The following CELSR1 variants were observed in gnomAD, a reference collection of about 807,000 sequenced individuals.
CELSR1 encodes the protein cadherin EGF LAG seven-pass G-type receptor 1.
In CELSR1, 110 loss-of-function variants were observed where a neutral mutation model predicts 249.1. The observed-to-expected ratio is 0.44, with a 90% CI of 0.38 to 0.52. The LOEUF is 0.52. Ranked by LOEUF, CELSR1 falls within the 20% of genes least tolerant of loss-of-function variation. The probability of loss-of-function intolerance (pLI) is 0.00; values close to 1 mark genes in which losing one functional copy is unlikely to be tolerated. For synonymous variants in CELSR1, 2,113 were observed against 1,900.0 expected, an observed-to-expected ratio of 1.11 and a Z score of -2.92; for missense variants, 4,109 against 4,296.4, an observed-to-expected ratio of 0.96 and a Z score of 1.22.
At position 46,391,460 on chromosome 22, in the gene CELSR1, C is replaced by T. The variant is rs1394511346; in HGVS notation, c.6148+173G>A. On this transcript the variant is annotated intron_variant, in intron 15 of 34. Transcript: ENST00000674500. The surrounding 1 kb of genome is among the most constrained non-coding windows in gnomAD (Gnocchi z 4.3). ...TCAGAGCTGGAGAGGGGTGACCAGG[C>T]TCTGACCCACACCCCCTCACGCAGA... 2.0e-5 allele frequency among the ~76,000 whole-genome samples: 3 copies of T among 152,048 alleles called. No homozygotes were observed. Among genetic ancestry groups the T allele is most frequent in the Non-Finnish European group, 4.4e-5 (3 of 67,992 alleles).
rs754567252 is a variant in CELSR1, at chr22:46,369,276, C to T, written c.7873-18G>A. On this transcript the variant is annotated intron_variant, in intron 26 of 34. Transcript: ENST00000674500. ...GTGTTGATCTGAAAACAAAACAAGC[C>T]GATCAATGTCTTCTCTCTCGTCACT... 8 of 643,586 alleles carry T rather than the reference C, an allele frequency of 1.2e-5. No homozygotes were observed. Among genetic ancestry groups the T allele is most frequent in the African/African-American group, 5.2e-5 (1 of 19,396 alleles). 39.9% of individuals were successfully genotyped at this position (643,586 alleles called of 1,614,324 possible). A position where few individuals can be genotyped will look rare whatever the true frequency, so the allele number is the denominator to read the frequency against.
rs113722201 is a variant in CELSR1 at position 46,361,388 on chromosome 22, C to T, written c.*1835G>A. ...TCTGATCAAATTAAAAATTACACCT[C>T]GTGATGTTGGCTGTGGAGTACGTGG... On this transcript the variant is annotated 3_prime_UTR_variant, in exon 35 of 35. Transcript: ENST00000674500. The T allele has an allele frequency of 3.9e-5, 6 of 152,354 alleles. No homozygotes were observed. Among genetic ancestry groups the T allele is most frequent in the South Asian group, 4.1e-4 (2 of 4,826 alleles). The allele number at this position is 152,354 out of a possible 1,614,324, so 9.4% of individuals were successfully genotyped here.
chr22:46,436,432 A>G lies in CELSR1; in HGVS notation c.4407-143T>C. The G allele has an allele frequency of 1.6e-6, 1 of 613,912 alleles. No homozygotes were observed. Among genetic ancestry groups the G allele is most frequent in the Admixed American group, 2.8e-5 (1 of 35,472 alleles). The allele number at this position is 613,912 out of a possible 1,614,324, so 38.0% of individuals were successfully genotyped here. On this transcript the variant is annotated intron_variant, in intron 3 of 34. Coordinates refer to ENST00000674500, the MANE Select transcript of CELSR1 (RefSeq NM_001378328.1). This position sits in a 1 kb window ranked among gnomAD's most constrained non-coding sequence, Gnocchi z 5.9. ...ATGGTGTCAGGCATGCGTCCTTCTC[A>G]TAGGAGCAGACAGCCCATCAAGCTT... is the stretch of plus-strand genomic sequence containing the variant.
In CELSR1 at chr22:46,504,990, C is replaced by T. The variant is rs578168470; in HGVS notation, c.3544+28637G>A. On this transcript the variant is annotated intron_variant, in intron 1 of 34. Coordinates refer to ENST00000674500, the MANE Select transcript of CELSR1 (RefSeq NM_001378328.1). ...CAAAAGAGCAAGGAAAGGCCGGGTG[C>T]GGCGGCTCACGCCTGTAATCCCAGC... Among the ~76,000 whole-genome samples the T allele has an allele frequency of 6.6e-5, 10 of 152,304 alleles. No individual in the cohort carries two copies. The East Asian group carries it at 7.7e-4, about 12-fold the overall frequency.
rs2080858531 is a variant in CELSR1, at chr22:46,536,535, T to C, written c.636A>G (p.Pro212=). The part of the protein sequence containing the change: ...AATAGTPSAS[P]SPSPPLPPNL... The stretch of plus-strand genomic sequence containing the variant: ...TCGGCGGCAGGGGCGGCGATGGGGA[T>C]GGCGACGCGGAGGGCGTCCCCGCGG... Residue 212 remains proline, a synonymous_variant, in exon 1 of 35, where the codon CCA becomes CCG. Coordinates refer to ENST00000674500, the MANE Select transcript of CELSR1 (RefSeq NM_001378328.1). 1.4e-6 allele frequency: 2 copies of C among 1,410,556 alleles called. No homozygotes were observed. 87.4% of individuals were successfully genotyped at this position (1,410,556 alleles called of 1,614,324 possible). A position where few individuals can be genotyped will look rare whatever the true frequency, so the allele number is the denominator to read the frequency against.
Position 46,391,616 on chromosome 22 carries a change from C to G in CELSR1, c.6148+17G>C. On this transcript the variant is annotated intron_variant, in intron 15 of 34. Transcript: ENST00000674500. The surrounding 1 kb of genome is among the most constrained non-coding windows in gnomAD (Gnocchi z 4.3). ...CCCCGCGCTGTAACCTGCAGGGTGT[C>G]GAGGGGCAACGCGGACCTTCACAGC... 1.3e-6 allele frequency: 2 copies of G among 1,575,790 alleles called. No homozygotes were observed. The highest frequency in any genetic ancestry group is 8.6e-7 in the Non-Finnish European group (1 of 1,166,542).
At position 46,451,675 on chromosome 22, in the gene CELSR1, C is replaced by G. The variant is rs560012432; in HGVS notation, c.4183+12032G>C. On this transcript the variant is annotated intron_variant, in intron 2 of 34. Coordinates refer to ENST00000674500, the MANE Select transcript of CELSR1 (RefSeq NM_001378328.1). The stretch of plus-strand genomic sequence containing the variant: ...CCCTACAACCTCCTTCTCCACAACA[C>G]CGACGATGGAGGAGAGACTAGGAAA... Among the ~76,000 whole-genome samples, 5 of 152,296 alleles carry G rather than the reference C, an allele frequency of 3.3e-5. No homozygotes were observed. In the South Asian group the frequency reaches 6.2e-4, roughly 19 times the overall value.
chr22:46,364,708 G>A lies in CELSR1; in HGVS notation c.8583C>T (p.Ala2861=), dbSNP rs139675248. ...CAGCCAGGCTCTGGTCGGGCCAGCC[G>A]GCCGGAACGTGGTTGGCCACAGCGT... ...KGDAVANHVP[A]GWPDQSLAES... Residue 2861 remains alanine, a synonymous_variant, in exon 33 of 35, where the codon GCC becomes GCT. Coordinates refer to ENST00000674500, the MANE Select transcript of CELSR1 (RefSeq NM_001378328.1). 29 of 1,612,368 alleles carry A rather than the reference G, an allele frequency of 1.8e-5. No individual in the cohort carries two copies. The highest frequency in any genetic ancestry group is 2.2e-5 in the East Asian group (1 of 44,864).
In CELSR1 at chr22:46,398,519, C is replaced by T. The variant is rs374501629; in HGVS notation, c.5526+5G>A. ...CTCCCCCCGCCCCCCACAACCCCCA[C>T]GCACCTGCATGCAGCCTCGGAATCC... On this transcript the variant is annotated splice_donor_5th_base_variant and intron_variant, in intron 11 of 34. Coordinates refer to ENST00000674500, the MANE Select transcript of CELSR1 (RefSeq NM_001378328.1). This position sits in a 1 kb window ranked among gnomAD's most constrained non-coding sequence, Gnocchi z 7.2. 7.5e-6 allele frequency: 12 copies of T among 1,599,322 alleles called. No individual in the cohort carries two copies. Among genetic ancestry groups the T allele is most frequent in the Admixed American group, 5.1e-5 (3 of 58,268 alleles).
intron 18 of CELSR1, among the ~76,000 whole-genome samples, chr22:46,387,959 C>T (rs975460474): frequency 2.0e-5 from 3 of 152,144 alleles, no homozygotes; most frequent in East Asian, 1.9e-4. Context: ...ACAGCTCCTC[C>T]GAGGGTGACC....
intron 1 of CELSR1, among the ~76,000 whole-genome samples, chr22:46,513,895 C>A (rs1186107051): frequency 1.3e-5 from 2 of 150,960 alleles, no homozygotes; most frequent in Non-Finnish European, 3.0e-5. Context: ...GGGGTTCACG[C>A]CATTCTCCTG....
In CELSR1 at chr22:46,454,487, C is replaced by T. The variant is rs1423520983; in HGVS notation, c.4183+9220G>A. Reference sequence around the variant, plus strand: ...GCCAGGCAGCCTTGTCTCCCCTCAACAGCACAGACTTCGAAGTCACGGGGA... The same window carrying T: ...GCCAGGCAGCCTTGTCTCCCCTCAATAGCACAGACTTCGAAGTCACGGGGA... On this transcript the variant is annotated intron_variant, in intron 2 of 34. Transcript: ENST00000674500. The surrounding 1 kb of genome is among the most constrained non-coding windows in gnomAD (Gnocchi z 5.1). 1.3e-5 allele frequency among the ~76,000 whole-genome samples: 2 copies of T among 152,362 alleles called. No homozygotes were observed. The highest frequency in any genetic ancestry group is 3.9e-4 in the East Asian group (2 of 5,186).
Position 46,378,666 on chromosome 22 carries a change from C to A in CELSR1, c.7308G>T (p.Arg2436Ser). 2 of 1,611,134 alleles carry A rather than the reference C, an allele frequency of 1.2e-6. No individual in the cohort carries two copies. Among genetic ancestry groups the A allele is most frequent in the Non-Finnish European group, 8.5e-7 (1 of 1,179,444 alleles). ...ACTGGCAGGCGACATGTGTCCGGTT[C>A]CTGGACAGGAGCTCGCAGCCCCGGG... ...WSARGCELLSRNRTHVACQCS... is the reference protein window; with the variant it reads ...WSARGCELLSSNRTHVACQCS... The change falls in exon 23 of 35, where the codon AGG (arginine) becomes AGT (serine). Residue 2436 changes from arginine to serine, a missense_variant. Coordinates refer to ENST00000674500, the MANE Select transcript of CELSR1 (RefSeq NM_001378328.1).
At chr22:46,513,740 T>A (rs954415988) in intron 1 of CELSR1, among the ~76,000 whole-genome samples, 5 of 152,100 alleles carry the variant, frequency 3.3e-5, no homozygotes, top group African/African-American at 1.2e-4. Context: ...TAAATACTGG[T>A]TGGAATATGG....
chr22:46,422,344 G>A (rs2079484028), intron 5 of CELSR1, among the ~76,000 whole-genome samples: 1 of 152,040 alleles, frequency 6.6e-6, no homozygotes, highest in Non-Finnish European at 1.5e-5. Flanking sequence ...CTGACTTCAA[G>A]TGATCTGCCT....
intron 2 of CELSR1, among the ~76,000 whole-genome samples, chr22:46,456,683 A>C (rs1289292670): frequency 1.3e-5 from 2 of 150,218 alleles, no homozygotes; most frequent in East Asian, 3.9e-4. Context: ...AAAAAAAAAA[A>C]AAAAGAGAAC....
Position 46,517,331 on chromosome 22 carries a change from G to C in CELSR1, c.3544+16296C>G, listed in dbSNP as rs539875121. On this transcript the variant is annotated intron_variant, in intron 1 of 34. Transcript: ENST00000674500. This position sits in a 1 kb window ranked among gnomAD's most constrained non-coding sequence, Gnocchi z 5.4. ...CTGCCACAAATGCAATGGGTTTCCC[G>C]GGCCAAACCGGAGACTTGGACGGCC... Among the ~76,000 whole-genome samples the C allele has an allele frequency of 8.8e-4, 134 of 152,358 alleles. No individual in the cohort carries two copies. Among genetic ancestry groups the C allele is most frequent in the African/African-American group, 3.2e-3 (133 of 41,576 alleles).
At chr22:46,504,446 G>A (rs945346928) in intron 1 of CELSR1, among the ~76,000 whole-genome samples, 5 of 150,138 alleles carry the variant, frequency 3.3e-5, no homozygotes, top group Non-Finnish European at 7.4e-5. Flanking sequence ...CCCAGGAGGC[G>A]GAGGCAGCAG....
chr22:46,452,036 C>A (rs1324827077), intron 2 of CELSR1, among the ~76,000 whole-genome samples: 1 of 152,188 alleles, frequency 6.6e-6, no homozygotes, highest in African/African-American at 2.4e-5. Context: ...CCTCCTAGAG[C>A]CTCCAGGAAG....
Sources: gnomAD v4.1 joint callset for allele counts (sites outside exome capture counted in the v4.1 genomes callset) on GRCh38, gnomAD v4.1.1 for gene constraint, Gnocchi (gnomAD v3.1) non-coding constraint, MANE v1.5 for transcripts, NCBI Gene and HGNC (gene_info 2026-07-23, HGNC 2026-07-21) for gene names.